MORC4: variants seen among roughly 807,000 people sequenced by gnomAD.
The protein encoded by MORC4 is MORC family CW-type zinc finger 4.
Under a neutral mutation model 65.5 loss-of-function variants are expected in MORC4, and 22 were observed. The observed-to-expected ratio is 0.34, with a 90% CI of 0.24 to 0.48. MORC4 has a LOEUF of 0.48. Among genes scored for constraint, MORC4 ranks in the 20% least tolerant of loss-of-function variants. The probability of loss-of-function intolerance (pLI) is 0.99; values close to 1 mark genes in which losing one functional copy is unlikely to be tolerated. For missense variants in MORC4, 624 were observed against 703.0 expected (o/e 0.89, Z 1.27); for synonymous variants, 267 against 255.8 (o/e 1.04, Z -0.42).
chrX:106,956,686 C>T lies in MORC4; in HGVS notation c.1455-152G>A, dbSNP rs375552184. 15 of 518,183 alleles carry T rather than the reference C, an allele frequency of 2.9e-5. No individual in the cohort carries two copies. The South Asian group carries it at 4.8e-4, about 17-fold the overall frequency. 42.7% of individuals were successfully genotyped at this position (518,183 alleles called of 1,213,427 possible). ...ACTGAGGGTGCCTTTCTGAACTAGGCTACTGAAGTGAGATTTCAAGTGCCC... is the reference window on the plus strand; with the variant it reads ...ACTGAGGGTGCCTTTCTGAACTAGGTTACTGAAGTGAGATTTCAAGTGCCC... On this transcript the variant is annotated intron_variant, in intron 12 of 16. Coordinates refer to ENST00000355610, the MANE Select transcript of MORC4 (RefSeq NM_024657.5).
chrX:106,967,748 G>A (rs1441337154), intron 9 of MORC4, among the ~76,000 whole-genome samples: 2 of 111,697 alleles, frequency 1.8e-5, no homozygotes, highest in African/African-American at 6.5e-5. Context: ...GAAATAAAGT[G>A]AGAAGACAAG....
chrX:106,984,465 C>CTTTT (rs762110163), intron 5 of MORC4, among the ~76,000 whole-genome samples: 29 of 71,383 alleles, frequency 4.1e-4, no homozygotes, highest in African/African-American at 1.5e-3. Context: ...TTTCTTTTTT[C>CTTTT]TTTTTTTTTT....
chrX:106,974,929 C>T (rs1032063171), intron 9 of MORC4, among the ~76,000 whole-genome samples: 1 of 111,499 alleles, frequency 9.0e-6, no homozygotes, highest in Non-Finnish European at 1.9e-5. Context: ...AAAGACTGTA[C>T]GCAGAATAGT....
chrX:106,993,212 C>T lies in MORC4; in HGVS notation c.308+18G>A, dbSNP rs1406017889. On this transcript the variant is annotated intron_variant, in intron 3 of 16. Coordinates refer to ENST00000355610, the MANE Select transcript of MORC4 (RefSeq NM_024657.5). ...TCATGAGCTTAAGACAAGAAAAAGA[C>T]AATGAAGACATTTTTACCTGAGCAT... 6.7e-6 allele frequency: 8 copies of T among 1,200,022 alleles called. No individual in the cohort carries two copies. Among genetic ancestry groups the T allele is most frequent in the Non-Finnish European group, 9.0e-6 (8 of 889,068 alleles).
chrX:106,973,424 T>G (rs1477323116), intron 9 of MORC4, among the ~76,000 whole-genome samples: 1 of 111,639 alleles, frequency 9.0e-6, no homozygotes, highest in Non-Finnish European at 1.9e-5. Context: ...GACATTTACA[T>G]GAAATTTTTG....
chrX:106,956,696 G>A (rs918715901), intron 12 of MORC4, among the ~76,000 whole-genome samples, 162 bp from the exon 13 acceptor site: 3 of 111,566 alleles, frequency 2.7e-5, no homozygotes, highest in Non-Finnish European at 3.8e-5. Flanking sequence ...CTACTGAAGT[G>A]AGATTTCAAG....
At chrX:106,973,680 A>C (rs1934568915) in intron 9 of MORC4, among the ~76,000 whole-genome samples, 1 of 111,970 alleles carries the variant, frequency 8.9e-6, no homozygotes, top group Admixed American at 9.5e-5. Context: ...GCAGCAGAAG[A>C]GTCAGAATCA....
intron 3 of MORC4, among the ~76,000 whole-genome samples, chrX:106,992,077 C>A (rs2147827048): frequency 8.9e-6 from 1 of 112,028 alleles, no homozygotes; most frequent in East Asian, 2.8e-4. Flanking sequence ...GGCCAACTTT[C>A]TACCTTCACT....
intron 9 of MORC4, among the ~76,000 whole-genome samples, chrX:106,963,474 T>C (rs1418320479): frequency 1.8e-5 from 2 of 112,096 alleles, no homozygotes; most frequent in Admixed American, 9.5e-5. Flanking sequence ...GAGCAACTTG[T>C]AGGAGCCAGT....
At chrX:106,984,465 CTTTTTTTTT>C (rs762110163) in intron 5 of MORC4, among the ~76,000 whole-genome samples, 1 of 71,387 alleles carries the variant, frequency 1.4e-5, no homozygotes, top group Non-Finnish European at 2.5e-5. Context: ...TTTCTTTTTT[CTTTTTTTTT>C]TTTTTTTTTT....
intron 3 of MORC4, among the ~76,000 whole-genome samples, chrX:106,986,726 TCTCCACTCAAAGGATAACC>T (rs1392457098): frequency 1.8e-5 from 2 of 112,006 alleles, no homozygotes; most frequent in Admixed American, 9.5e-5. Context: ...CAATTTCAAC[TCTCCACTCAAAGGATAACC>T]CTTCCAATTC....
intron 9 of MORC4, among the ~76,000 whole-genome samples, chrX:106,970,062 G>A (rs908167543): frequency 5.4e-5 from 6 of 111,639 alleles, no homozygotes; most frequent in African/African-American, 9.8e-5. Context: ...GATGAACATC[G>A]ATGTGAAAAT....
intron 9 of MORC4, among the ~76,000 whole-genome samples, chrX:106,967,161 G>A (rs1569301615): frequency 9.0e-6 from 1 of 111,464 alleles, no homozygotes; most frequent in African/African-American, 3.3e-5. Context: ...GAGATACCCA[G>A]GCAAACAGCG....
In MORC4 at chrX:106,999,658, G is replaced by A. The variant is rs1935142541; in HGVS notation, c.175+19C>T. On this transcript the variant is annotated intron_variant, in intron 2 of 16. Coordinates refer to ENST00000355610, the MANE Select transcript of MORC4 (RefSeq NM_024657.5). Reference sequence around the variant, plus strand: ...CACTGCCTCGGGCGAACACGGCCGGGCCCGCCCTCGCCACTCACCTAGCAG... The same window carrying A: ...CACTGCCTCGGGCGAACACGGCCGGACCCGCCCTCGCCACTCACCTAGCAG... The A allele has an allele frequency of 9.8e-6, 11 of 1,124,788 alleles. No individual in the cohort carries two copies. Among genetic ancestry groups the A allele is most frequent in the Middle Eastern group, 2.6e-4 (1 of 3,883 alleles). The allele number at this position is 1,124,788 out of a possible 1,213,427, so 92.7% of individuals were successfully genotyped here.
intron 14 of MORC4, among the ~76,000 whole-genome samples, chrX:106,946,505 T>G (rs1041783859): frequency 8.9e-6 from 1 of 112,540 alleles, no homozygotes; most frequent in African/African-American, 3.2e-5. Flanking sequence ...ATTGTATGAA[T>G]AGGCCACATT....
chrX:106,971,159 C>G (rs1934501330), intron 9 of MORC4, among the ~76,000 whole-genome samples: 1 of 111,363 alleles, frequency 9.0e-6, no homozygotes, highest in African/African-American at 3.3e-5. Flanking sequence ...AGAAATAATA[C>G]CACACATTTA....
intron 9 of MORC4, among the ~76,000 whole-genome samples, chrX:106,967,176 G>A (rs1465540541): frequency 9.0e-6 from 1 of 111,458 alleles, no homozygotes; most frequent in East Asian, 2.8e-4. Context: ...ACAGCGTCTG[G>A]AGTGGACCTC....
chrX:106,945,414 TTGTGTGTGTGTGTGTGTG>T (rs35077497), intron 14 of MORC4, among the ~76,000 whole-genome samples: 2,944 of 83,229 alleles, frequency 0.035, 119 homozygotes, highest in African/African-American at 0.12. Context: ...ACTTACTACT[TTGTGTGTGTGTGTGTGTG>T]TGTGTGTGTG....
rs1478364976 is a variant in MORC4 at position 107,000,137 on chromosome X, C to A, written c.-168G>T. ...GGCGGAGCGCGCTCCAGCCACCTGT[C>A]CCGGGCGGGAGGGGTGAGGCCGGCT... On this transcript the variant is annotated 5_prime_UTR_variant, in exon 1 of 17. Transcript: ENST00000355610. The A allele has an allele frequency of 1.3e-5, 2 of 150,827 alleles. No homozygotes were observed. Among genetic ancestry groups the A allele is most frequent in the African/African-American group, 6.2e-5 (2 of 32,283 alleles). The allele number at this position is 150,827 out of a possible 1,213,427, so 12.4% of individuals were successfully genotyped here.
Sources: allele counts gnomAD v4.1 joint callset (sites outside exome capture counted in the v4.1 genomes callset), GRCh38; gene constraint gnomAD v4.1.1; transcripts MANE v1.5; gene names NCBI Gene and HGNC (gene_info 2026-07-23, HGNC 2026-07-21).